Variants in FBXO10 observed in about 807,000 individuals in gnomAD.
FBXO10 encodes F-box protein 10, also known as F-box only protein 10.
In FBXO10, 39 loss-of-function variants were observed where a neutral mutation model predicts 80.7. The observed-to-expected ratio is 0.48, with a 90% CI of 0.37 to 0.63. The LOEUF (loss-of-function observed/expected upper bound fraction) is 0.63. FBXO10 is among the 30% of genes least tolerant of loss of function. FBXO10 has a pLI of 0.00. For synonymous variants in FBXO10, 449 were observed against 489.6 expected, an observed-to-expected ratio of 0.92 and a Z score of 1.09; for missense variants, 1,025 against 1,269.0, an observed-to-expected ratio of 0.81 and a Z score of 2.92.
intron 1 of FBXO10, among the ~76,000 whole-genome samples, chr9:37,545,007 A>T (rs1822020823): frequency 6.7e-6 from 1 of 149,592 alleles, no homozygotes; most frequent in African/African-American, 2.5e-5. Flanking sequence ...AAAAAAAAAA[A>T]AAAAAGAGAG....
chr9:37,540,213 G>A (rs1409417240), intron 2 of FBXO10, among the ~76,000 whole-genome samples: 1 of 150,918 alleles, frequency 6.6e-6, no homozygotes, highest in Non-Finnish European at 1.5e-5. Flanking sequence ...TTGAGACAAA[G>A]TCTCACTCTT....
chr9:37,525,838 C>G (rs1263066496), intron 5 of FBXO10, among the ~76,000 whole-genome samples: 2 of 152,054 alleles, frequency 1.3e-5, no homozygotes, highest in Non-Finnish European at 2.9e-5. Flanking sequence ...CGCGCCTGGC[C>G]TTATATGTAT....
At chr9:37,522,750 T>G in intron 7 of FBXO10, 75 bp downstream of exon 7, 1 of 1,504,104 alleles carries the variant, frequency 6.6e-7, no homozygotes, top group South Asian at 1.3e-5. Flanking sequence ...GGCAGTGACC[T>G]TCTCAGGACC....
At position 37,512,696 on chromosome 9, in the gene FBXO10, G is replaced by C. The variant is rs1229882764; in HGVS notation, c.2722C>G (p.Pro908Ala). The C allele has an allele frequency of 9.9e-6, 16 of 1,613,868 alleles. No homozygotes were observed. Among genetic ancestry groups the C allele is most frequent in the Non-Finnish European group, 1.3e-5 (15 of 1,179,810 alleles). Residue 908 changes from proline (P) to alanine (A), a missense_variant, in exon 11 of 11, where the codon CCA becomes GCA. Transcript: ENST00000432825. ...KKSDTWRLVN[P>A]PARPHLENSL... ...TTTTCAAGGTGGGGCCGTGCTGGTG[G>C]GTTCACCAGGCGCCACGTATCAGAC...
At chr9:37,512,963 C>A (rs1049172788) in intron 10 of FBXO10, among the ~76,000 whole-genome samples, 1 of 152,218 alleles carries the variant, frequency 6.6e-6, no homozygotes, top group African/African-American at 2.4e-5. Context: ...TGGACAAGGT[C>A]CCTCTGTAGG....
intron 3 of FBXO10, among the ~76,000 whole-genome samples, chr9:37,535,047 G>A (rs1253727438): frequency 1.3e-5 from 2 of 152,294 alleles, no homozygotes; most frequent in Non-Finnish European, 2.9e-5. Flanking sequence ...CGAGAGCAGC[G>A]GAGATCGCCT....
At chr9:37,517,025 C>T (rs778611110) in intron 9 of FBXO10, among the ~76,000 whole-genome samples, 2 of 149,660 alleles carry the variant, frequency 1.3e-5, no homozygotes, top group Non-Finnish European at 3.0e-5. Context: ...AGCCATAAAA[C>T]AGAATGAAAT....
At chr9:37,574,690 T>A (rs1822849319) in intron 1 of FBXO10, among the ~76,000 whole-genome samples, 1 of 152,236 alleles carries the variant, frequency 6.6e-6, no homozygotes, top group Non-Finnish European at 1.5e-5. Flanking sequence ...GGAGGCCAGC[T>A]GTTATGAGGT....
At chr9:37,516,108 G>T (rs756855226) in intron 9 of FBXO10, 23 bp from the exon 10 acceptor site, 16 of 1,604,826 alleles carry the variant, frequency 1.0e-5, no homozygotes, top group Middle Eastern at 3.4e-4. Context: ...GCCAGAGATT[G>T]TCACACCTCA....
intron 5 of FBXO10, 136 bp downstream of exon 5, chr9:37,528,987 GT>G (rs1479226327): frequency 8.4e-7 from 1 of 1,184,168 alleles, no homozygotes; most frequent in African/African-American, 1.5e-5. Context: ...AAGCCGCTGT[GT>G]TACTGGGGTG....
chr9:37,546,609 G>C (rs1318835251), intron 1 of FBXO10, among the ~76,000 whole-genome samples: 4 of 152,132 alleles, frequency 2.6e-5, no homozygotes, highest in Non-Finnish European at 4.4e-5. Flanking sequence ...TCAAGTTGCT[G>C]ATAGTTTAAT....
At chr9:37,526,502 G>A (rs900139349) in intron 5 of FBXO10, among the ~76,000 whole-genome samples, 2 of 152,098 alleles carry the variant, frequency 1.3e-5, no homozygotes, top group Admixed American at 6.5e-5. Context: ...GCATCCCCAA[G>A]GTAAAGCCCA....
At chr9:37,544,556 A>G (rs1822003443) in intron 1 of FBXO10, among the ~76,000 whole-genome samples, 1 of 152,366 alleles carries the variant, frequency 6.6e-6, no homozygotes, top group South Asian at 2.1e-4. Context: ...TCTAAGCCCC[A>G]AGAAGGCTAG....
At chr9:37,553,916 C>CAAAAAAAAAAAAAAAAAAAAAAA (rs71494669) in intron 1 of FBXO10, among the ~76,000 whole-genome samples, 1 of 64,330 alleles carries the variant, frequency 1.6e-5, no homozygotes, top group African/African-American at 6.5e-5. Flanking sequence ...AAGTCTGCCT[C>CAAAAAAAAAAAAAAAAAAAAAAA]AAAAAAAAAA....
chr9:37,565,516 C>T (rs1822581359), intron 1 of FBXO10, among the ~76,000 whole-genome samples: 1 of 152,166 alleles, frequency 6.6e-6, no homozygotes, highest in South Asian at 2.1e-4. Context: ...AAAATGTGCT[C>T]CCAGGACCTA....
At chr9:37,550,562 C>T (rs193173133) in intron 1 of FBXO10, among the ~76,000 whole-genome samples, 338 of 150,934 alleles carry the variant, frequency 2.2e-3, no homozygotes, top group African/African-American at 8.0e-3. Flanking sequence ...CTCACTGTAA[C>T]CTCAGCCTCC....
chr9:37,524,763 G>A lies in FBXO10; in HGVS notation c.1777+339C>T, dbSNP rs139836687. On this transcript the variant is annotated intron_variant, in intron 6 of 10. Coordinates refer to ENST00000432825, the MANE Select transcript of FBXO10 (RefSeq NM_012166.3). ...CCCAAAGGATAAGCAGGGGTTAGCCGGGCGGAGGTTTCCAGAGCAGGCAGA... is the reference window on the plus strand; with the variant it reads ...CCCAAAGGATAAGCAGGGGTTAGCCAGGCGGAGGTTTCCAGAGCAGGCAGA... 7.3e-3 allele frequency among the ~76,000 whole-genome samples: 1,116 copies of A among 152,278 alleles called. 16 individuals are homozygous for A. Among genetic ancestry groups the A allele is most frequent in the African/African-American group, 0.025 (1,058 of 41,540 alleles).
intron 7 of FBXO10, chr9:37,522,340 G>A: frequency 1.0e-6 from 1 of 1,000,934 alleles, no homozygotes; most frequent in Non-Finnish European, 1.2e-6. Context: ...GGGCTGAGTA[G>A]AGAGGTGGGC....
chr9:37,532,707 C>T (rs1161620335), intron 3 of FBXO10, among the ~76,000 whole-genome samples: 1 of 152,164 alleles, frequency 6.6e-6, no homozygotes, highest in Non-Finnish European at 1.5e-5. Flanking sequence ...TATTCAGAAC[C>T]TGCAAGCAGC....
Sources: allele counts gnomAD v4.1 joint callset (sites outside exome capture counted in the v4.1 genomes callset), GRCh38; gene constraint gnomAD v4.1.1; transcripts MANE v1.5; gene names NCBI Gene and HGNC (gene_info 2026-07-23, HGNC 2026-07-21).